The following UGT1A10 variants were observed in gnomAD, a reference collection of about 807,000 sequenced individuals.
UGT1A10 encodes the protein UDP glucuronosyltransferase family 1 member A10, also known as UDP-glucuronosyltransferase 1A10.
UGT1A10 carries 49 observed loss-of-function variants against 45.8 expected under a neutral mutation model. The observed-to-expected ratio is 1.07, with a 90% CI of 0.85 to 1.36. The LOEUF is 1.36. UGT1A10 is among the 40% of genes most tolerant of loss of function. UGT1A10 has a pLI of 0.00. For synonymous variants in UGT1A10, 284 were observed against 249.7 expected (o/e 1.14, Z -1.29); for missense variants, 745 against 668.6 (o/e 1.11, Z -1.26).
intron 1 of UGT1A10, chr2:233,743,739 T>C (rs377618743): frequency 7.3e-7 from 1 of 1,367,366 alleles, no homozygotes; most frequent in African/African-American, 1.5e-5. Flanking sequence ...TCGCGTTTCT[T>C]GGCGTCCGAC....
chr2:233,668,845 C>T (rs1208956846), intron 1 of UGT1A10, among the ~76,000 whole-genome samples: 1 of 152,180 alleles, frequency 6.6e-6, no homozygotes, highest in Non-Finnish European at 1.5e-5. Flanking sequence ...TCCAGGATAC[C>T]GCATGACATT....
intron 1 of UGT1A10, among the ~76,000 whole-genome samples, chr2:233,655,665 A>G (rs577273232): frequency 1.3e-5 from 2 of 152,272 alleles, no homozygotes; most frequent in African/African-American, 4.8e-5. Flanking sequence ...GGGGTGGGTG[A>G]TCACTGTCCT....
At chr2:233,704,862 G>T (rs991681240) in intron 1 of UGT1A10, among the ~76,000 whole-genome samples, 2 of 152,056 alleles carry the variant, frequency 1.3e-5, no homozygotes, top group African/African-American at 4.8e-5. Context: ...GGCCGGGCAC[G>T]GTGGCTCACT....
intron 1 of UGT1A10, among the ~76,000 whole-genome samples, chr2:233,706,537 CT>C (rs968038091): frequency 9.9e-5 from 15 of 152,128 alleles, no homozygotes; most frequent in Non-Finnish European, 2.1e-4. Flanking sequence ...AGAAACACAG[CT>C]TTTTTTCTAG....
intron 1 of UGT1A10, among the ~76,000 whole-genome samples, chr2:233,739,592 T>C (rs1481710171): frequency 2.0e-5 from 3 of 152,236 alleles, no homozygotes; most frequent in South Asian, 2.1e-4. Flanking sequence ...ATGGGGCCTA[T>C]AGCCCCTTTG....
intron 1 of UGT1A10, chr2:233,712,899 G>A (rs2076260156): frequency 1.1e-5 from 18 of 1,608,322 alleles, no homozygotes; most frequent in Non-Finnish European, 1.4e-5. Context: ...TGATTTGCTA[G>A]GTGTCTCAGT....
intron 1 of UGT1A10, among the ~76,000 whole-genome samples, chr2:233,658,401 G>A (rs1016285912): frequency 2.0e-5 from 3 of 152,170 alleles, no homozygotes; most frequent in African/African-American, 7.2e-5. Flanking sequence ...ATGAACTAAA[G>A]TCTGTGTTCT....
intron 1 of UGT1A10, chr2:233,693,996 G>A: frequency 6.6e-7 from 1 of 1,508,250 alleles, no homozygotes; most frequent in South Asian, 1.3e-5. Context: ...GTGATACCCG[G>A]CTCGGAGCAG....
intron 1 of UGT1A10, among the ~76,000 whole-genome samples, chr2:233,745,959 A>G (rs923729881): frequency 6.6e-6 from 1 of 151,676 alleles, no homozygotes; most frequent in African/African-American, 2.4e-5. Flanking sequence ...ACTGGGGGAC[A>G]GGGGCCCTGA....
chr2:233,759,541 C>A (rs1020987350), intron 1 of UGT1A10, among the ~76,000 whole-genome samples: 1 of 152,092 alleles, frequency 6.6e-6, no homozygotes, highest in Non-Finnish European at 1.5e-5. Flanking sequence ...TGTTCACATG[C>A]GCTCCAGTGA....
At chr2:233,646,214 C>T (rs990542227) in intron 1 of UGT1A10, among the ~76,000 whole-genome samples, 20 of 152,216 alleles carry the variant, frequency 1.3e-4, no homozygotes, top group African/African-American at 4.8e-4. Flanking sequence ...AGGCTGCACA[C>T]AGCAGGGGGC....
intron 1 of UGT1A10, among the ~76,000 whole-genome samples, chr2:233,745,501 T>A (rs1359317730): frequency 1.3e-5 from 2 of 151,666 alleles, no homozygotes; most frequent in Non-Finnish European, 2.9e-5. Flanking sequence ...TAAGATTTCC[T>A]ATAGGGTATT....
At chr2:233,665,851 A>G (rs988240449) in intron 1 of UGT1A10, among the ~76,000 whole-genome samples, 1 of 152,294 alleles carries the variant, frequency 6.6e-6, no homozygotes, top group African/African-American at 2.4e-5. Flanking sequence ...CCTTTTTAAG[A>G]ATTTGCCAGA....
intron 1 of UGT1A10, chr2:233,713,436 G>A (rs773281887): frequency 2.0e-5 from 32 of 1,614,146 alleles, no homozygotes; most frequent in Non-Finnish European, 2.5e-5. Context: ...CTTTGATGTG[G>A]TTCTAACAGA....
At chr2:233,639,073 G>A (rs2125461510) in intron 1 of UGT1A10, among the ~76,000 whole-genome samples, 1 of 152,268 alleles carries the variant, frequency 6.6e-6, no homozygotes, top group South Asian at 2.1e-4. Context: ...GTGGCTCACA[G>A]GGTCACCTAG....
chr2:233,672,183 G>T, intron 1 of UGT1A10: 1 of 1,614,182 alleles, frequency 6.2e-7, no homozygotes. Context: ...CATATACCCT[G>T]GAGGATCTGG....
rs6742078 is a variant in UGT1A10, at chr2:233,763,993, G to T, written c.856-3041G>T. ...TGTGGGTTACTGGGAATGCGTGATG[G>T]TGAAGTCACAGATGACCCACATGGT... On this transcript the variant is annotated intron_variant, in intron 1 of 4. Transcript: ENST00000344644. 0.36 allele frequency among the ~76,000 whole-genome samples: 54,149 copies of T among 152,126 alleles called. 9,972 individuals carry two copies. Among genetic ancestry groups the T allele is most frequent in the African/African-American group, 0.43 (17,876 of 41,508 alleles).
In UGT1A10 at chr2:233,678,824, T is replaced by C. The variant is rs117986247; in HGVS notation, c.855+41447T>C. ...CTTGAATTTCTCCAAGAGTCATATT[T>C]TGAAATACCTTATCCCCAACATTTT... is the stretch of plus-strand genomic sequence containing the variant. On this transcript the variant is annotated intron_variant, in intron 1 of 4. Coordinates refer to ENST00000344644, the MANE Select transcript of UGT1A10 (RefSeq NM_019075.4). Among the ~76,000 whole-genome samples, 189 of 152,352 alleles carry C rather than the reference T, an allele frequency of 1.2e-3. 1 individual carries two copies. In the East Asian group the frequency reaches 0.017, roughly 13 times the overall value.
At chr2:233,746,604 C>T (rs901529128) in intron 1 of UGT1A10, among the ~76,000 whole-genome samples, 5 of 151,778 alleles carry the variant, frequency 3.3e-5, no homozygotes, top group Non-Finnish European at 5.9e-5. Flanking sequence ...TGTCTCTGTT[C>T]ACCTGACCCC....
Sources: gnomAD v4.1 joint callset for allele counts (sites outside exome capture counted in the v4.1 genomes callset) on GRCh38, gnomAD v4.1.1 for gene constraint, MANE v1.5 for transcripts, NCBI Gene and HGNC (gene_info 2026-07-23, HGNC 2026-07-21) for gene names.